The following EMCN variants were observed in gnomAD, a reference collection of about 807,000 sequenced individuals.
The protein encoded by EMCN is MUC-14.
EMCN carries 37 observed loss-of-function variants against 38.4 expected under a neutral mutation model. The observed-to-expected ratio is 0.96, with a 90% confidence interval of 0.74 to 1.27. EMCN has a LOEUF of 1.27. Among genes scored for constraint, EMCN ranks in the 50% most tolerant of loss-of-function variants. The pLI is 0.00. For missense variants in EMCN, 318 were observed against 302.8 expected, an observed-to-expected ratio of 1.05 and a Z score of -0.37; for synonymous variants, 95 against 100.8, an observed-to-expected ratio of 0.94 and a Z score of 0.35.
rs1019599407 is a variant in EMCN at position 100,453,534 on chromosome 4, G to A, written c.377-5963C>T. ...AAGCCAGGAAACAACAGGTGCTGGA[G>A]AGGATGTGGAGAAATAGGAACACTT... On this transcript the variant is annotated intron_variant, in intron 4 of 11. Transcript: ENST00000296420. Among the ~76,000 whole-genome samples, 10 of 152,304 alleles carry A rather than the reference G, an allele frequency of 6.6e-5. No homozygotes were observed. In the South Asian group the frequency reaches 1.5e-3, roughly 22 times the overall value.
intron 5 of EMCN, among the ~76,000 whole-genome samples, chr4:100,427,254 T>G (rs1220708226): frequency 6.6e-6 from 1 of 152,008 alleles, no homozygotes; most frequent in Non-Finnish European, 1.5e-5. Context: ...TCTTATTTCT[T>G]TTTTTAAAAT....
intron 1 of EMCN, among the ~76,000 whole-genome samples, chr4:100,500,150 A>G (rs78261769): frequency 0.019 from 2,863 of 152,274 alleles, 104 homozygotes; most frequent in African/African-American, 0.066. Context: ...GGCTGCTGAC[A>G]TTTCTCTCCA....
At chr4:100,479,143 A>G (rs1402984791) in intron 2 of EMCN, among the ~76,000 whole-genome samples, 1 of 152,142 alleles carries the variant, frequency 6.6e-6, no homozygotes, top group African/African-American at 2.4e-5. Context: ...AGGGGGGAAT[A>G]GAAAGAGGTA....
At chr4:100,425,964 G>A (rs1727033621) in intron 5 of EMCN, among the ~76,000 whole-genome samples, 1 of 152,064 alleles carries the variant, frequency 6.6e-6, no homozygotes, top group South Asian at 2.1e-4. Flanking sequence ...CAGGATTTAA[G>A]TCCAGCCTGG....
intron 5 of EMCN, among the ~76,000 whole-genome samples, chr4:100,428,500 A>G (rs566914115): frequency 9.9e-5 from 15 of 152,064 alleles, no homozygotes; most frequent in Non-Finnish European, 2.1e-4. Context: ...TTATTATTTT[A>G]TTGGGTATAG....
chr4:100,399,777 T>A (rs1726206964), intron 11 of EMCN, among the ~76,000 whole-genome samples: 1 of 152,194 alleles, frequency 6.6e-6, no homozygotes, highest in Admixed American at 6.6e-5. Flanking sequence ...CTTCTTTTTT[T>A]TAAACTTTTA....
chr4:100,493,797 T>G (rs1729145561), intron 1 of EMCN, among the ~76,000 whole-genome samples: 1 of 152,216 alleles, frequency 6.6e-6, no homozygotes, highest in Non-Finnish European at 1.5e-5. Flanking sequence ...AGTATAGCAG[T>G]AGAAGTAGAG....
chr4:100,403,109 A>T (rs576059676), intron 11 of EMCN, among the ~76,000 whole-genome samples: 8 of 152,196 alleles, frequency 5.3e-5, no homozygotes, highest in African/African-American at 1.9e-4. Context: ...TTCAAGGGGT[A>T]CATCTGGAGG....
At chr4:100,489,680 A>C (rs1729026988) in intron 1 of EMCN, among the ~76,000 whole-genome samples, 1 of 152,200 alleles carries the variant, frequency 6.6e-6, no homozygotes, top group Admixed American at 6.5e-5. Context: ...ATAAATGACT[A>C]TGTTACTGGT....
rs775398832 is a variant in EMCN at position 100,423,002 on chromosome 4, A to G, written c.568+19T>C. ...TCTGCATATCTACTGCCATGAATGA[A>G]GGCATTGCTGTTACTCACTGGAATA... On this transcript the variant is annotated intron_variant, in intron 7 of 11. Coordinates refer to ENST00000296420, the MANE Select transcript of EMCN (RefSeq NM_016242.4). 6.2e-7 allele frequency: 1 copy of G among 1,611,056 alleles called. No homozygotes were observed. Among genetic ancestry groups the G allele is most frequent in the South Asian group, 1.1e-5 (1 of 90,996 alleles).
chr4:100,434,750 C>G (rs550517480), intron 5 of EMCN, among the ~76,000 whole-genome samples: 1 of 152,104 alleles, frequency 6.6e-6, no homozygotes, highest in African/African-American at 2.4e-5. Flanking sequence ...TAATTCATCA[C>G]GTAAACAGAA....
chr4:100,465,616 A>G, intron 3 of EMCN, 77 bp from the exon 4 acceptor site: 3 of 721,758 alleles, frequency 4.2e-6, no homozygotes, highest in Non-Finnish European at 6.6e-6. Flanking sequence ...TTAATATCCA[A>G]CTAAAACTTG....
rs58646995 is a variant in EMCN, at chr4:100,473,386, G to GTTT, written c.259+1649_259+1651dup. Among the ~76,000 whole-genome samples the GTTT allele has an allele frequency of 1.1e-4, 9 of 82,452 alleles. 2 individuals are homozygous for GTTT. Among genetic ancestry groups the GTTT allele is most frequent in the East Asian group, 4.4e-4 (1 of 2,294 alleles). The allele number at this position is 82,452 out of a possible 152,430, so 54.1% of individuals were successfully genotyped here. Reference sequence around the variant, plus strand: ...TCGTGTTTTTTTGTTTTTTTTTTTTGTTTTTTTTTTTGCTAATGACATCAC... The same window carrying GTTT: ...TCGTGTTTTTTTGTTTTTTTTTTTTGTTTTTTTTTTTTTTGCTAATGACATCAC... On this transcript the variant is annotated intron_variant, in intron 3 of 11. Transcript: ENST00000296420.
intron 1 of EMCN, among the ~76,000 whole-genome samples, chr4:100,505,667 T>G (rs1432061944): frequency 1.3e-5 from 2 of 152,176 alleles, no homozygotes; most frequent in Admixed American, 1.3e-4. Context: ...TTTAACTATC[T>G]CCCAGACTGT....
intron 3 of EMCN, 151 bp downstream of exon 3, chr4:100,474,887 G>T (rs1302710088): frequency 1.3e-5 from 5 of 391,422 alleles, no homozygotes; most frequent in South Asian, 8.9e-5. Flanking sequence ...CTCTTGGGGA[G>T]ATTAAAATGT....
chr4:100,454,841 G>A (rs1452707152), intron 4 of EMCN, among the ~76,000 whole-genome samples: 2 of 152,016 alleles, frequency 1.3e-5, no homozygotes, highest in Non-Finnish European at 2.9e-5. Context: ...AACCTTCTCT[G>A]TCTGATATTA....
At chr4:100,491,412 C>A (rs2110292296) in intron 1 of EMCN, among the ~76,000 whole-genome samples, 1 of 152,266 alleles carries the variant, frequency 6.6e-6, no homozygotes, top group South Asian at 2.1e-4. Flanking sequence ...ATGACCATCA[C>A]AGCAAATTTT....
intron 1 of EMCN, among the ~76,000 whole-genome samples, chr4:100,504,802 G>A (rs919680802): frequency 7.2e-5 from 11 of 152,284 alleles, no homozygotes; most frequent in African/African-American, 2.4e-4. Context: ...TTTCCTGGGG[G>A]AGTTTAGAGA....
At chr4:100,417,086 T>A in intron 9 of EMCN, 31 bp downstream of exon 9, 2 of 1,608,614 alleles carry the variant, frequency 1.2e-6, no homozygotes, top group East Asian at 4.5e-5. Flanking sequence ...AATGGTAGGG[T>A]CTAAACAAAA....
Sources: allele counts gnomAD v4.1 joint callset (sites outside exome capture counted in the v4.1 genomes callset), GRCh38; gene constraint gnomAD v4.1.1; transcripts MANE v1.5; gene names NCBI Gene and HGNC (gene_info 2026-07-23, HGNC 2026-07-21).